Variants in LRRC49 observed in about 807,000 individuals in gnomAD.
LRRC49 encodes the protein leucine-rich repeat-containing protein 49.
In LRRC49, 50 loss-of-function variants were observed where a neutral mutation model predicts 83.3. The ratio of observed to expected loss-of-function variants is 0.60; its 90% CI spans 0.48 to 0.76. LRRC49 has a LOEUF of 0.76. LRRC49 is among the 30% of genes least tolerant of loss of function. The pLI is 0.00. For missense variants in LRRC49, 704 were observed against 809.1 expected, an observed-to-expected ratio of 0.87 and a Z score of 1.58; for synonymous variants, 286 against 283.3, an observed-to-expected ratio of 1.01 and a Z score of -0.10.
At chr15:71,009,186 T>C (rs1477124684) in intron 12 of LRRC49, among the ~76,000 whole-genome samples, 1 of 151,852 alleles carries the variant, frequency 6.6e-6, no homozygotes, top group African/African-American at 2.4e-5. Context: ...GCCTTTTTGG[T>C]GGGTTTTTGT....
intron 8 of LRRC49, among the ~76,000 whole-genome samples, chr15:70,941,158 A>G (rs2035800255): frequency 6.6e-6 from 1 of 152,220 alleles, no homozygotes; most frequent in African/African-American, 2.4e-5. Flanking sequence ...ATAGGTGAAA[A>G]TAGATATTCA....
At chr15:70,984,482 T>C in intron 11 of LRRC49, 1 of 386,750 alleles carries the variant, frequency 2.6e-6, no homozygotes, top group Non-Finnish European at 4.5e-6. Context: ...GGGAAAAGTC[T>C]AGATTTCTTA....
intron 13 of LRRC49, 40 bp downstream of exon 13, chr15:71,010,032 C>A: frequency 8.1e-7 from 1 of 1,235,048 alleles, no homozygotes; most frequent in Non-Finnish European, 1.1e-6. Context: ...TAAAAATATT[C>A]CTTCTTAGTG....
intron 15 of LRRC49, among the ~76,000 whole-genome samples, chr15:71,040,538 G>A (rs1003748424): frequency 1.7e-4 from 26 of 152,224 alleles, no homozygotes; most frequent in Admixed American, 2.0e-4. Context: ...GGATTCAAGC[G>A]GCCGGGCGCG....
At chr15:70,901,333 T>G (rs2034069360) in intron 4 of LRRC49, among the ~76,000 whole-genome samples, 1 of 152,146 alleles carries the variant, frequency 6.6e-6, no homozygotes, top group South Asian at 2.1e-4. Flanking sequence ...TCACATGAGC[T>G]TCCCAGGCCC....
chr15:70,918,870 A>C, intron 6 of LRRC49, 180 bp from the exon 7 acceptor site: 1 of 508,672 alleles, frequency 2.0e-6, no homozygotes, highest in East Asian at 3.3e-5. Context: ...GCTAATGTTC[A>C]CAAGTTACGT....
chr15:71,021,258 A>G (rs181441750), intron 14 of LRRC49, among the ~76,000 whole-genome samples: 1 of 152,332 alleles, frequency 6.6e-6, no homozygotes. Context: ...GGAAGGAGTA[A>G]ATGGAGATAT....
chr15:71,048,078 ATTTTT>A (rs760450220), intron 15 of LRRC49, among the ~76,000 whole-genome samples: 2 of 106,724 alleles, frequency 1.9e-5, no homozygotes, highest in East Asian at 2.7e-4. Flanking sequence ...ACCGGGCCAA[ATTTTT>A]TTTTTTTTTT....
At chr15:70,944,242 GA>G (rs1320155465) in intron 8 of LRRC49, among the ~76,000 whole-genome samples, 1 of 152,146 alleles carries the variant, frequency 6.6e-6, no homozygotes, top group Non-Finnish European at 1.5e-5. Context: ...AACACAGAGA[GA>G]AACTGAGACC....
chr15:70,912,909 C>T (rs1209195183), intron 6 of LRRC49, among the ~76,000 whole-genome samples: 2 of 152,090 alleles, frequency 1.3e-5, no homozygotes, highest in African/African-American at 4.8e-5. Context: ...GATCTCCTGA[C>T]CTCGTGATCC....
intron 14 of LRRC49, among the ~76,000 whole-genome samples, chr15:71,016,968 T>C (rs1488465173): frequency 6.6e-6 from 1 of 151,804 alleles, no homozygotes; most frequent in African/African-American, 2.4e-5. Flanking sequence ...TAACCAGGCA[T>C]GTGGCTCGCA....
intron 10 of LRRC49, among the ~76,000 whole-genome samples, chr15:70,981,891 CTTTTTTTTT>C (rs11339326): frequency 8.9e-6 from 1 of 112,108 alleles, no homozygotes; most frequent in African/African-American, 3.2e-5. Flanking sequence ...TTTGCTTCTT[CTTTTTTTTT>C]TTTTTTTTTT....
rs2035609433 is a variant in LRRC49 at position 70,936,654 on chromosome 15, T to C, written c.712-107T>C. The C allele has an allele frequency of 7.2e-6, 5 of 694,926 alleles. No individual in the cohort carries two copies. In the East Asian group the frequency reaches 1.3e-4, roughly 19 times the overall value. The allele number at this position is 694,926 out of a possible 1,614,324, so 43.0% of individuals were successfully genotyped here. ...CCAGTAGAAATCAGTGATGTAGCAA[T>C]GTTGCAGTAAATAGAAATGATTATA... On this transcript the variant is annotated intron_variant, in intron 7 of 15. Coordinates refer to ENST00000260382, the MANE Select transcript of LRRC49 (RefSeq NM_017691.5).
At chr15:70,863,577 C>T (rs1462107617) in intron 1 of LRRC49, among the ~76,000 whole-genome samples, 1 of 152,224 alleles carries the variant, frequency 6.6e-6, no homozygotes, top group African/African-American at 2.4e-5. Flanking sequence ...ACAGGAGGGA[C>T]TGAAGCTCCT....
intron 11 of LRRC49, among the ~76,000 whole-genome samples, chr15:70,988,832 G>A (rs1251815898): frequency 1.3e-5 from 2 of 151,994 alleles, no homozygotes; most frequent in African/African-American, 4.8e-5. Flanking sequence ...GGCAGGCCTG[G>A]TGGTGACAAA....
chr15:70,858,762 C>A lies in LRRC49; in HGVS notation c.-299+5293C>A, dbSNP rs986498996. 22 of 1,156,018 alleles carry A rather than the reference C, an allele frequency of 1.9e-5. No homozygotes were observed. In the Middle Eastern group the frequency reaches 9.9e-4, roughly 52 times the overall value. The allele number at this position is 1,156,018 out of a possible 1,614,324, so 71.6% of individuals were successfully genotyped here. A position where few individuals can be genotyped will look rare whatever the true frequency, so the allele number is the denominator to read the frequency against. ...TCCTACAAGATGTCCACCTCTGGCC[C>A]CCGGGCCTTCAGCAGCTGCTCCTAC... On this transcript the variant is annotated intron_variant, in intron 1 of 16. Transcript: ENST00000544974.
rs763242918 is a variant in LRRC49 at position 70,904,540 on chromosome 15, C to G, written c.297-12C>G. Reference sequence around the variant, plus strand: ...AATCATAACCTAATTAACTTTTTAACATTTTTTCTAGACAAAAGCTGACCG... The same window carrying G: ...AATCATAACCTAATTAACTTTTTAAGATTTTTTCTAGACAAAAGCTGACCG... On this transcript the variant is annotated splice_polypyrimidine_tract_variant and intron_variant, in intron 4 of 15. Transcript: ENST00000260382. The G allele has an allele frequency of 6.3e-7, 1 of 1,595,474 alleles. No individual in the cohort carries two copies. The highest frequency in any genetic ancestry group is 2.2e-5 in the East Asian group (1 of 44,712).
intron 14 of LRRC49, among the ~76,000 whole-genome samples, chr15:71,015,029 C>T (rs1438826725): frequency 6.6e-6 from 1 of 152,108 alleles, no homozygotes; most frequent in Non-Finnish European, 1.5e-5. Flanking sequence ...AAAAAGCATA[C>T]TCATACAGAT....
intron 1 of LRRC49, among the ~76,000 whole-genome samples, chr15:70,854,332 A>C (rs2032593422): frequency 6.6e-6 from 1 of 151,954 alleles, no homozygotes; most frequent in African/African-American, 2.4e-5. Flanking sequence ...GGCTTTCCGG[A>C]GCTCCTCCGA....
Sources: allele counts gnomAD v4.1 joint callset (sites outside exome capture counted in the v4.1 genomes callset), GRCh38; gene constraint gnomAD v4.1.1; transcripts MANE v1.5; gene names NCBI Gene and HGNC (gene_info 2026-07-23, HGNC 2026-07-21).